WWOX: variants seen among roughly 807,000 people sequenced by gnomAD.
WWOX encodes WW domain-containing oxidoreductase.
WWOX carries 69 observed loss-of-function variants against 46.2 expected under a neutral mutation model. The ratio of observed to expected loss-of-function variants is 1.49; its 90% CI spans 1.23 to 1.82. The LOEUF (loss-of-function observed/expected upper bound fraction) is 1.82. Ranked by LOEUF, WWOX falls within the 40% of genes most tolerant of loss-of-function variation. The pLI is 0.00. For synonymous variants in WWOX, 359 were observed against 202.6 expected (o/e 1.77, Z -6.56); for missense variants, 919 against 542.6 (o/e 1.69, Z -6.89).
intron 8 of WWOX, among the ~76,000 whole-genome samples, chr16:78,831,514 G>A (rs945213473): frequency 6.6e-6 from 1 of 152,208 alleles, no homozygotes; most frequent in South Asian, 2.1e-4. Flanking sequence ...CTACGTGGGA[G>A]ACCCCGGTGC....
At chr16:78,333,267 C>G (rs978254156) in intron 5 of WWOX, among the ~76,000 whole-genome samples, 8 of 151,860 alleles carry the variant, frequency 5.3e-5, no homozygotes, top group African/African-American at 1.7e-4. Context: ...CCAGGCTTGT[C>G]TCAACCCCTG....
chr16:78,643,523 A>T (rs557469795), intron 8 of WWOX, among the ~76,000 whole-genome samples: 1 of 152,240 alleles, frequency 6.6e-6, no homozygotes, highest in East Asian at 1.9e-4. Context: ...CTGTGACCTC[A>T]AGGCAAATGA....
intron 8 of WWOX, among the ~76,000 whole-genome samples, chr16:78,928,866 G>C (rs1313214790): frequency 6.6e-6 from 1 of 152,116 alleles, no homozygotes; most frequent in Non-Finnish European, 1.5e-5. Context: ...AATGTGTTTT[G>C]ACTGTAGGCT....
chr16:78,224,600 TTC>T (rs1359068615), intron 5 of WWOX, among the ~76,000 whole-genome samples: 1 of 152,174 alleles, frequency 6.6e-6, no homozygotes, highest in Non-Finnish European at 1.5e-5. Flanking sequence ...TTCACAGCTT[TTC>T]TCTATTGTAA....
At chr16:78,556,786 G>A (rs2044308084) in intron 8 of WWOX, among the ~76,000 whole-genome samples, 1 of 151,968 alleles carries the variant, frequency 6.6e-6, no homozygotes, top group Admixed American at 6.6e-5. Context: ...CATGATCTCG[G>A]CTCACTGCAA....
intron 8 of WWOX, among the ~76,000 whole-genome samples, chr16:78,529,197 C>A (rs72803910): frequency 1.3e-5 from 2 of 151,980 alleles, no homozygotes; most frequent in Non-Finnish European, 2.9e-5. Context: ...TCAAAGGATC[C>A]TCCCACCTCA....
chr16:78,887,137 T>G (rs2044481439), intron 8 of WWOX, among the ~76,000 whole-genome samples: 1 of 141,874 alleles, frequency 7.0e-6, no homozygotes. Context: ...TGTGTGTGTA[T>G]ACCTAGTCTA....
intron 8 of WWOX, among the ~76,000 whole-genome samples, chr16:78,938,160 C>G (rs2045780873): frequency 6.6e-6 from 1 of 152,146 alleles, no homozygotes; most frequent in African/African-American, 2.4e-5. Flanking sequence ...TTCCTGGCCT[C>G]TGGGAAAGAC....
At chr16:78,665,092 G>T (rs995025770) in intron 8 of WWOX, among the ~76,000 whole-genome samples, 3 of 152,142 alleles carry the variant, frequency 2.0e-5, no homozygotes, top group African/African-American at 7.2e-5. Flanking sequence ...CATCTATTAG[G>T]TAAATGCGAT....
intron 8 of WWOX, among the ~76,000 whole-genome samples, chr16:78,992,203 C>T (rs956963972): frequency 2.6e-5 from 4 of 152,298 alleles, no homozygotes; most frequent in Non-Finnish European, 5.9e-5. Context: ...CCAACGATGT[C>T]ACTATTCTTC....
intron 8 of WWOX, among the ~76,000 whole-genome samples, chr16:78,449,426 C>T (rs779503713): frequency 1.4e-4 from 21 of 152,198 alleles, no homozygotes; most frequent in Non-Finnish European, 1.9e-4. Flanking sequence ...GTGATCAGGG[C>T]CAGCTACCAC....
At chr16:78,505,937 C>G (rs1181442588) in intron 8 of WWOX, among the ~76,000 whole-genome samples, 1 of 152,212 alleles carries the variant, frequency 6.6e-6, no homozygotes, top group Non-Finnish European at 1.5e-5. Flanking sequence ...ACCCGGTTGG[C>G]TCTGCAAACC....
At chr16:78,551,206 A>C (rs2044164967) in intron 8 of WWOX, 1 of 152,196 alleles carries the variant, frequency 6.6e-6, no homozygotes, top group Non-Finnish European at 1.5e-5. Context: ...CCATGAAACA[A>C]AATACTGTGA....
chr16:79,027,555 T>G (rs915725524), intron 8 of WWOX, among the ~76,000 whole-genome samples: 6 of 151,764 alleles, frequency 4.0e-5, no homozygotes, highest in Admixed American at 3.9e-4. Flanking sequence ...GAGCCTTTGA[T>G]TATAACATCA....
At chr16:78,157,507 C>G (rs1249893411) in intron 4 of WWOX, among the ~76,000 whole-genome samples, 1 of 152,216 alleles carries the variant, frequency 6.6e-6, no homozygotes, top group Non-Finnish European at 1.5e-5. Flanking sequence ...ACTACCCACA[C>G]ACCCAAGGGG....
chr16:78,770,501 T>G (rs2050038132), intron 8 of WWOX, among the ~76,000 whole-genome samples: 1 of 152,010 alleles, frequency 6.6e-6, no homozygotes, highest in Non-Finnish European at 1.5e-5. Flanking sequence ...CATGGCCCAT[T>G]GGATGGCAGA....
intron 8 of WWOX, among the ~76,000 whole-genome samples, chr16:78,629,485 C>A (rs1466434199): frequency 6.6e-6 from 1 of 152,184 alleles, no homozygotes; most frequent in Non-Finnish European, 1.5e-5. Flanking sequence ...CTGATCTTGC[C>A]ACCACCCTAC....
chr16:78,720,976 C>T (rs879934063), intron 8 of WWOX, among the ~76,000 whole-genome samples: 3 of 152,138 alleles, frequency 2.0e-5, no homozygotes, highest in Non-Finnish European at 2.9e-5. Flanking sequence ...CGCTAATCAC[C>T]ACCGTGCCTG....
At chr16:78,372,066 A>T (rs564082509) in intron 5 of WWOX, among the ~76,000 whole-genome samples, 1 of 152,296 alleles carries the variant, frequency 6.6e-6, no homozygotes, top group South Asian at 2.1e-4. Context: ...TCTCACGGCT[A>T]TGCCTAATTG....
Sources: gnomAD v4.1 joint callset for allele counts (sites outside exome capture counted in the v4.1 genomes callset) on GRCh38, gnomAD v4.1.1 for gene constraint, MANE v1.5 for transcripts, NCBI Gene and HGNC (gene_info 2026-07-23, HGNC 2026-07-21) for gene names.